Variants in CLTCL1 observed in about 807,000 individuals in gnomAD.
CLTCL1 encodes clathrin heavy chain 2.
Under a neutral mutation model 190.0 loss-of-function variants are expected in CLTCL1, and 159 were observed. That is an observed-to-expected ratio of 0.84 (90% CI 0.74 to 0.95). The LOEUF (loss-of-function observed/expected upper bound fraction) is 0.95. Among genes scored for constraint, CLTCL1 ranks in the 40% least tolerant of loss-of-function variants. The pLI is 0.00. For missense variants in CLTCL1, 1,878 were observed against 2,033.4 expected (o/e 0.92, Z 1.47); for synonymous variants, 752 against 769.6 (o/e 0.98, Z 0.38).
intron 1 of CLTCL1, among the ~76,000 whole-genome samples, chr22:19,282,724 C>A (rs969703266): frequency 6.6e-6 from 1 of 151,874 alleles, no homozygotes; most frequent in South Asian, 2.1e-4. Context: ...ACTCATTTAG[C>A]CAGGAATGCT....
intron 12 of CLTCL1, 113 bp downstream of exon 12, chr22:19,226,106 G>A (rs2145810789): frequency 8.1e-7 from 1 of 1,238,608 alleles, no homozygotes. Context: ...GGTTAGGGCA[G>A]TGACAGGCTC....
At chr22:19,257,577 G>A (rs999315942) in intron 2 of CLTCL1, 15 of 383,644 alleles carry the variant, frequency 3.9e-5, no homozygotes, top group South Asian at 6.8e-5. Flanking sequence ...CCTGGGATCC[G>A]TCCAGCCGCC....
In CLTCL1 at chr22:19,180,045, C is replaced by G. The variant is rs377564347; in HGVS notation, c.*21-76G>C. 2.2e-4 allele frequency: 148 copies of G among 659,582 alleles called. 1 individual carries two copies. The highest frequency in any genetic ancestry group is 2.2e-3 in the African/African-American group (123 of 54,982). The allele number at this position is 659,582 out of a possible 1,614,324, so 40.9% of individuals were successfully genotyped here. A position where few individuals can be genotyped will look rare whatever the true frequency, so the allele number is the denominator to read the frequency against. ...TCCTCTCCTGGCTGCCCCTGAGTAG[C>G]CCGGGGCCCAGGGAGCAGGGTCTAT... On this transcript the variant is annotated intron_variant, in intron 32 of 32. Transcript: ENST00000427926.
chr22:19,240,560 G>T (rs5746696), intron 4 of CLTCL1, among the ~76,000 whole-genome samples: 10,347 of 152,224 alleles, frequency 0.068, 442 homozygotes, highest in East Asian at 0.14. Context: ...TGTGGATGGG[G>T]AATAGAAAAG....
At chr22:19,285,282 A>G (rs2087867380) in intron 1 of CLTCL1, among the ~76,000 whole-genome samples, 1 of 150,964 alleles carries the variant, frequency 6.6e-6, no homozygotes, top group East Asian at 2.0e-4. Flanking sequence ...CTTAAAAAAA[A>G]GAAAAAGAAA....
chr22:19,276,907 C>G (rs1197338868), intron 1 of CLTCL1, among the ~76,000 whole-genome samples: 1 of 152,098 alleles, frequency 6.6e-6, no homozygotes, highest in East Asian at 1.9e-4. Flanking sequence ...CTCCTGACCT[C>G]GTGATCCGCC....
chr22:19,290,295 C>T (rs1373914465), intron 1 of CLTCL1, among the ~76,000 whole-genome samples: 2 of 152,156 alleles, frequency 1.3e-5, no homozygotes, highest in Non-Finnish European at 2.9e-5. Flanking sequence ...AGAATATTAA[C>T]CTCAGTGACC....
At chr22:19,287,794 T>A (rs1445767609) in intron 1 of CLTCL1, among the ~76,000 whole-genome samples, 5 of 152,018 alleles carry the variant, frequency 3.3e-5, no homozygotes, top group African/African-American at 1.2e-4. Context: ...AAGATACACA[T>A]CTGGGGAGAA....
intron 27 of CLTCL1, among the ~76,000 whole-genome samples, chr22:19,190,464 T>C (rs924660909): frequency 6.6e-6 from 1 of 152,082 alleles, no homozygotes; most frequent in East Asian, 1.9e-4. Flanking sequence ...TTGTGTGCAC[T>C]GGCTCAAGCC....
intron 22 of CLTCL1, among the ~76,000 whole-genome samples, chr22:19,205,226 T>C (rs1555942071): frequency 6.6e-6 from 1 of 152,186 alleles, no homozygotes; most frequent in African/African-American, 2.4e-5. Flanking sequence ...TAACTATTTC[T>C]TGGCCGGGCA....
At chr22:19,234,836 G>A (rs1343568629) in intron 6 of CLTCL1, 130 bp from the exon 7 acceptor site, 4 of 815,884 alleles carry the variant, frequency 4.9e-6, no homozygotes, top group Non-Finnish European at 7.9e-6. Context: ...CTGTGATGGT[G>A]GCCCTCACAG....
At chr22:19,252,661 T>C (rs113816803) in intron 3 of CLTCL1, among the ~76,000 whole-genome samples, 1 of 152,226 alleles carries the variant, frequency 6.6e-6, no homozygotes. Context: ...CGAAGATCTA[T>C]GTCCCAAGTG....
chr22:19,190,904 A>G (rs1435807407), intron 27 of CLTCL1, among the ~76,000 whole-genome samples: 1 of 151,938 alleles, frequency 6.6e-6, no homozygotes, highest in Non-Finnish European at 1.5e-5. Context: ...CAGCCTCCCA[A>G]GCAGCTGGGA....
chr22:19,230,666 A>G (rs1487281308), intron 10 of CLTCL1, among the ~76,000 whole-genome samples: 2 of 152,198 alleles, frequency 1.3e-5, no homozygotes, highest in African/African-American at 4.8e-5. Context: ...AGTATATGAA[A>G]GGGAGTAACT....
At chr22:19,218,965 G>T (rs1555950940) in intron 18 of CLTCL1, among the ~76,000 whole-genome samples, 1 of 152,108 alleles carries the variant, frequency 6.6e-6, no homozygotes, top group East Asian at 1.9e-4. Flanking sequence ...GTCCACGAGG[G>T]CTGAGCTGGG....
At chr22:19,186,917 A>G (rs991914388) in intron 29 of CLTCL1, among the ~76,000 whole-genome samples, 1 of 147,564 alleles carries the variant, frequency 6.8e-6, no homozygotes, top group Admixed American at 6.8e-5. Flanking sequence ...TGTGATTTTA[A>G]TTTAGGTTTT....
At position 19,198,640 on chromosome 22, in the gene CLTCL1, A is replaced by G. The variant is rs1555937252; in HGVS notation, c.3873+1094T>C. On this transcript the variant is annotated intron_variant, in intron 24 of 32. Transcript: ENST00000427926. This position sits in a 1 kb window ranked among gnomAD's most constrained non-coding sequence, Gnocchi z 4.1. ...TCTTTGCTCAAATGTCACCCCCTCA[A>G]TTGCTGCTACCTTGACCGCCCCTTT... is the stretch of plus-strand genomic sequence containing the variant. Among the ~76,000 whole-genome samples, 1 of 151,872 alleles carries G rather than the reference A, an allele frequency of 6.6e-6. No individual in the cohort carries two copies. The highest frequency in any genetic ancestry group is 2.4e-5 in the African/African-American group (1 of 41,332).
chr22:19,209,795 C>T (rs1273207444), intron 20 of CLTCL1, among the ~76,000 whole-genome samples: 1 of 152,124 alleles, frequency 6.6e-6, no homozygotes, highest in Non-Finnish European at 1.5e-5. Flanking sequence ...CCAGAAGAGG[C>T]TCATAGACTG....
intron 2 of CLTCL1, chr22:19,258,557 G>A (rs534110737): frequency 4.1e-5 from 24 of 588,180 alleles, no homozygotes; most frequent in South Asian, 2.0e-4. Context: ...ACCTGGAGTC[G>A]GAGCTGGCAC....
Sources: allele counts gnomAD v4.1 joint callset (sites outside exome capture counted in the v4.1 genomes callset), GRCh38; gene constraint gnomAD v4.1.1; non-coding constraint Gnocchi (gnomAD v3.1); transcripts MANE v1.5; gene names NCBI Gene and HGNC (gene_info 2026-07-23, HGNC 2026-07-21).